The following MFSD12 variants were observed in gnomAD, a reference collection of about 807,000 sequenced individuals.
MFSD12 encodes the protein major facilitator superfamily domain-containing protein 12.
In MFSD12, 67 loss-of-function variants were observed where a neutral mutation model predicts 51.2. The observed-to-expected ratio is 1.31, with a 90% CI of 1.08 to 1.60. MFSD12 has a LOEUF of 1.60. Among genes scored for constraint, MFSD12 ranks in the 40% most tolerant of loss-of-function variants. The pLI is 0.00. For synonymous variants in MFSD12, 441 were observed against 316.7 expected, an observed-to-expected ratio of 1.39 and a Z score of -4.17; for missense variants, 921 against 673.0, an observed-to-expected ratio of 1.37 and a Z score of -4.08.
In MFSD12 at chr19:3,544,332, G is replaced by A; in HGVS notation, c.*378C>T. The A allele has an allele frequency of 7.9e-7, 1 of 1,272,622 alleles. No individual in the cohort carries two copies. Among genetic ancestry groups the A allele is most frequent in the Non-Finnish European group, 9.9e-7 (1 of 1,009,018 alleles). 78.8% of individuals were successfully genotyped at this position (1,272,622 alleles called of 1,614,324 possible). A position where few individuals can be genotyped will look rare whatever the true frequency, so the allele number is the denominator to read the frequency against. Reference sequence around the variant, plus strand: ...CCTCCAGGCTCCAGCCGTCCTGAGGGGGCCCTGGCAGTGTCTGGAGACCCC... The same window carrying A: ...CCTCCAGGCTCCAGCCGTCCTGAGGAGGCCCTGGCAGTGTCTGGAGACCCC... On this transcript the variant is annotated 3_prime_UTR_variant, in exon 10 of 10. Transcript: ENST00000355415.
At position 3,546,271 on chromosome 19, in the gene MFSD12, A is replaced by C; in HGVS notation, c.1178T>G (p.Leu393Arg). 1 of 1,610,786 alleles carries C rather than the reference A, an allele frequency of 6.2e-7. No homozygotes were observed. Among genetic ancestry groups the C allele is most frequent in the East Asian group, 2.2e-5 (1 of 44,784 alleles). Residue 393 changes from leucine to arginine, a missense_variant, in exon 7 of 10, where the codon CTC becomes CGC. By Grantham distance (102) the Leu-to-Arg change is moderately radical (BLOSUM62 -2). Transcript: ENST00000355415. ...CAGCCCTACCGTGTGGGGACCGATGAGGTCGGCCGTCATGGCCAGCGAGGT... is the reference window on the plus strand; with the variant it reads ...CAGCCCTACCGTGTGGGGACCGATGCGGTCGGCCGTCATGGCCAGCGAGGT... ...LVTSLAMTAD[L>R]IGPHTNSGAF...
At chr19:3,548,982 C>T (rs1024359154) in intron 2 of MFSD12, among the ~76,000 whole-genome samples, 10 of 152,182 alleles carry the variant, frequency 6.6e-5, no homozygotes, top group African/African-American at 2.4e-4. Context: ...ACTCCCCCGA[C>T]ACGAAGGCGC....
At chr19:3,553,728 CAAAAAAAAA>C (rs35093968) in intron 1 of MFSD12, among the ~76,000 whole-genome samples, 1 of 61,332 alleles carries the variant, frequency 1.6e-5, no homozygotes, top group Non-Finnish European at 2.7e-5. Context: ...CTCCATCTCT[CAAAAAAAAA>C]AAAAAAAAAA....
chr19:3,538,373 C>T (rs541634422), exon 5 of MFSD12: 6 of 240,070 alleles, frequency 2.5e-5, no homozygotes, highest in Non-Finnish European at 5.1e-5. Flanking sequence ...TGCAGCCATC[C>T]CATCTGATTC....
At chr19:3,545,205 C>G (rs557968512) in intron 8 of MFSD12, among the ~76,000 whole-genome samples, 1 of 152,226 alleles carries the variant, frequency 6.6e-6, no homozygotes, top group African/African-American at 2.4e-5. Context: ...CGCCTGCACC[C>G]GCCCCGGTCC....
In MFSD12 at chr19:3,550,945, G is replaced by T. The variant is rs576825346; in HGVS notation, c.509+39C>A. 1.7e-5 allele frequency: 27 copies of T among 1,579,760 alleles called. No homozygotes were observed. In the African/African-American group the frequency reaches 3.4e-4, roughly 20 times the overall value. ...CCACTGACTGATACACCGAGCCGGG[G>T]CCCACCCTGCCCGTGGGGGAGGGTG... On this transcript the variant is annotated intron_variant, in intron 2 of 9. Transcript: ENST00000355415.
intron 8 of MFSD12, among the ~76,000 whole-genome samples, chr19:3,545,631 C>G (rs1165848746): frequency 6.6e-6 from 1 of 152,246 alleles, no homozygotes; most frequent in South Asian, 2.1e-4. Flanking sequence ...ACCACCCACG[C>G]CGGTACCAAC....
intron 1 of MFSD12, among the ~76,000 whole-genome samples, chr19:3,556,052 CCAGA>C (rs1319706212): frequency 2.0e-5 from 3 of 152,114 alleles, no homozygotes; most frequent in African/African-American, 4.8e-5. Flanking sequence ...CTGACCCTGG[CCAGA>C]CAGATAGAGG....
rs1385398265 is a variant in MFSD12, at chr19:3,544,693, C to T, written c.*17G>A. On this transcript the variant is annotated 3_prime_UTR_variant, in exon 10 of 10. Transcript: ENST00000355415. ...TCCCCACAGTTCCCTTGCACAGGTG[C>T]AGGAGGCTGTCAGGAGTCAGGGCCG... 1.9e-6 allele frequency: 3 copies of T among 1,593,452 alleles called. No homozygotes were observed. Among genetic ancestry groups the T allele is most frequent in the South Asian group, 1.1e-5 (1 of 87,514 alleles).
At position 3,551,856 on chromosome 19, in the gene MFSD12, CA is replaced by C. The variant is rs911547964; in HGVS notation, c.299-663del. Among the ~76,000 whole-genome samples the C allele has an allele frequency of 5.3e-5, 8 of 152,302 alleles. No homozygotes were observed. Among genetic ancestry groups the C allele is most frequent in the African/African-American group, 1.9e-4 (8 of 41,584 alleles). The stretch of plus-strand genomic sequence containing the variant: ...CTCTCTCCCCCTTCTCTCTCTGCTC[CA>C]GCCATGCAGGTCTCCTCACTGCAGG... On this transcript the variant is annotated intron_variant, in intron 1 of 9. Transcript: ENST00000355415. This position sits in a 1 kb window ranked among gnomAD's most constrained non-coding sequence, Gnocchi z 4.6.
chr19:3,547,854 G>A lies in MFSD12; in HGVS notation c.831C>T (p.Phe277=). Residue 277 remains phenylalanine, a synonymous_variant, in exon 4 of 10, where the codon TTC becomes TTT. Transcript: ENST00000355415. ...CACCGTCCCCAGCACGCACCTGGTA[G>A]AAAGCCGGCTCCCGGAGCCAGTGCT... is the stretch of plus-strand genomic sequence containing the variant. ...LWKHWLREPA[F]YQVGILYMTT... is the part of the protein sequence containing the mutation. The A allele has an allele frequency of 1.3e-6, 2 of 1,504,482 alleles. No homozygotes were observed. Among genetic ancestry groups the A allele is most frequent in the African/African-American group, 1.4e-5 (1 of 70,722 alleles). The allele number at this position is 1,504,482 out of a possible 1,614,324, so 93.2% of individuals were successfully genotyped here.
intron 1 of MFSD12, among the ~76,000 whole-genome samples, chr19:3,556,595 G>A (rs2145228767): frequency 6.6e-6 from 1 of 151,864 alleles, no homozygotes; most frequent in South Asian, 2.1e-4. Context: ...AGTCAGACGG[G>A]GGAGGCTCAG....
intron 4 of MFSD12, chr19:3,538,915 C>T: frequency 1.5e-6 from 1 of 660,956 alleles, no homozygotes; most frequent in Non-Finnish European, 2.8e-6. Context: ...AGAAGCCAGA[C>T]CCCAGGTGGG....
downstream of MFSD12, chr19:3,543,087 G>C (rs1264571976): frequency 3.2e-6 from 5 of 1,566,956 alleles, no homozygotes; most frequent in Non-Finnish European, 4.3e-6. Flanking sequence ...AGGGGTACAG[G>C]GCTGAAGGAC....
Position 3,544,728 on chromosome 19 carries a change from G to A in MFSD12, c.1425C>T (p.Asp475=). Residue 475 remains aspartate, a synonymous_variant, in exon 10 of 10, where the codon GAC becomes GAT. Coordinates refer to ENST00000355415, the MANE Select transcript of MFSD12 (RefSeq NM_174983.5). The part of the protein sequence containing the change: ...LLWPTRLRRW[D]RDARP ...TCAGGAGTCAGGGCCGGGCATCACG[G>A]TCCCCTGCAAGGGAGGGGTGGAAAT... The A allele has an allele frequency of 1.2e-6, 2 of 1,603,508 alleles. No individual in the cohort carries two copies. The highest frequency in any genetic ancestry group is 1.7e-6 in the Non-Finnish European group (2 of 1,173,710).
rs766795788 is a variant in MFSD12, at chr19:3,547,517, T to C, written c.868A>G (p.Ile290Val). ...ATGTAGGTCTGGGACAGGTTCACGA[T>C]GAGCCTGGTGGTCATGTACAGTATG... ...VGILYMTTRL[I>V]VNLSQTYMAM... The change falls in exon 5 of 10, where the codon ATC (isoleucine) becomes GTC (valine). Residue 290 changes from isoleucine to valine, a missense_variant. Transcript: ENST00000355415. The C allele has an allele frequency of 1.9e-6, 3 of 1,612,572 alleles. No homozygotes were observed. The highest frequency in any genetic ancestry group is 1.3e-5 in the African/African-American group (1 of 74,904).
At chr19:3,555,039 G>A (rs1438939607) in intron 1 of MFSD12, among the ~76,000 whole-genome samples, 1 of 152,240 alleles carries the variant, frequency 6.6e-6, no homozygotes, top group East Asian at 1.9e-4. Context: ...GGACCACCTG[G>A]TTCCCTGAGG....
intron 1 of MFSD12, among the ~76,000 whole-genome samples, chr19:3,555,827 G>A (rs1314238532): frequency 1.3e-5 from 2 of 152,216 alleles, no homozygotes; most frequent in Admixed American, 6.5e-5. Context: ...ATGCCAGGAC[G>A]CAGCCGGCAC....
chr19:3,547,775 G>T (rs951754928), intron 4 of MFSD12, 73 bp downstream of exon 4: 2 of 1,440,652 alleles, frequency 1.4e-6, no homozygotes, highest in Non-Finnish European at 1.8e-6. Context: ...TCTGGACGCA[G>T]CTGCCCCACA....
Sources: allele counts gnomAD v4.1 joint callset (sites outside exome capture counted in the v4.1 genomes callset), GRCh38; gene constraint gnomAD v4.1.1; non-coding constraint Gnocchi (gnomAD v3.1); transcripts MANE v1.5; gene names NCBI Gene and HGNC (gene_info 2026-07-23, HGNC 2026-07-21).